Variants in CEP170 observed in about 807,000 individuals in gnomAD.
The protein encoded by CEP170 is centrosomal protein 170, also known as centrosomal protein of 170 kDa.
CEP170 carries 21 observed loss-of-function variants against 151.9 expected under a neutral mutation model. That is an observed-to-expected ratio of 0.14 (90% CI 0.10 to 0.20). CEP170 has a LOEUF of 0.20. Among genes scored for constraint, CEP170 ranks in the 10% least tolerant of loss-of-function variants. The pLI is 1.00. For missense variants in CEP170, 964 were observed against 1,892.9 expected, an observed-to-expected ratio of 0.51 and a Z score of 9.11; for synonymous variants, 356 against 648.8, an observed-to-expected ratio of 0.55 and a Z score of 6.86.
chr1:243,181,510 C>T (rs2059615844), intron 10 of CEP170, among the ~76,000 whole-genome samples: 1 of 152,062 alleles, frequency 6.6e-6, no homozygotes, highest in Non-Finnish European at 1.5e-5. Flanking sequence ...GTAGGTAGTT[C>T]ACTATCTTTT....
At chr1:243,229,123 C>A (rs1229249960) in intron 1 of CEP170, among the ~76,000 whole-genome samples, 1 of 152,192 alleles carries the variant, frequency 6.6e-6, no homozygotes, top group Non-Finnish European at 1.5e-5. Context: ...AACACCCACA[C>A]ATGGATAAAA....
At chr1:243,239,285 G>T (rs1300901377) in intron 1 of CEP170, among the ~76,000 whole-genome samples, 1 of 151,968 alleles carries the variant, frequency 6.6e-6, no homozygotes, top group East Asian at 1.9e-4. Flanking sequence ...TCCCACTCCC[G>T]CTTTAGTTAG....
intron 19 of CEP170, among the ~76,000 whole-genome samples, chr1:243,127,254 A>C (rs1180530151): frequency 6.6e-6 from 1 of 152,196 alleles, no homozygotes; most frequent in African/African-American, 2.4e-5. Context: ...TACACCACTG[A>C]GATACAGGGG....
At chr1:243,162,541 A>C (rs1032887013) in intron 13 of CEP170, among the ~76,000 whole-genome samples, 13 of 152,242 alleles carry the variant, frequency 8.5e-5, no homozygotes, top group African/African-American at 1.4e-4. Flanking sequence ...AGTATTTATC[A>C]AGTTCTGTAT....
Position 243,164,685 on chromosome 1 carries a change from AG to A in CEP170, c.3274del (p.Leu1092PhefsTer100). On this transcript the variant is annotated frameshift_variant, in exon 13 of 20. Transcript: ENST00000366542. LOFTEE classifies it high-confidence loss of function. The part of the protein sequence containing the change: ...VSGSSSKSTT[L>X]PRPRPTRTSL... ...AGTCCTGGTAGGTCGTGGCCTTGGA[AG>A]GGTGGTTGATTTACTAGATGAACCA... 1 of 1,613,776 alleles carries A rather than the reference AG, an allele frequency of 6.2e-7. No homozygotes were observed. The highest frequency in any genetic ancestry group is 1.1e-5 in the South Asian group (1 of 91,074).
intron 14 of CEP170, among the ~76,000 whole-genome samples, chr1:243,155,837 G>GGT (rs1374848371): frequency 6.6e-6 from 1 of 151,978 alleles, no homozygotes; most frequent in Non-Finnish European, 1.5e-5. Context: ...ATCTCTAAAA[G>GGT]GTATACTATT....
intron 14 of CEP170, among the ~76,000 whole-genome samples, chr1:243,147,798 T>G (rs2056667279): frequency 6.6e-6 from 1 of 152,164 alleles, no homozygotes; most frequent in Admixed American, 6.5e-5. Context: ...ACGTAAAAAT[T>G]TTTAGAGTTT....
chr1:243,160,165 A>G (rs2057948533), intron 13 of CEP170, among the ~76,000 whole-genome samples: 1 of 152,028 alleles, frequency 6.6e-6, no homozygotes, highest in Non-Finnish European at 1.5e-5. Flanking sequence ...TGAAGAAAAA[A>G]TTTATTTCTT....
intron 2 of CEP170, among the ~76,000 whole-genome samples, chr1:243,223,019 T>A (rs756720854): frequency 1.3e-5 from 2 of 152,238 alleles, no homozygotes; most frequent in Non-Finnish European, 2.9e-5. Context: ...TGAATTTTTA[T>A]TCATCTGGTT....
At chr1:243,177,909 T>C (rs2059355294) in intron 10 of CEP170, among the ~76,000 whole-genome samples, 2 of 152,188 alleles carry the variant, frequency 1.3e-5, no homozygotes, top group African/African-American at 2.4e-5. Flanking sequence ...CAAATAAATA[T>C]ATGTGCATGC....
At chr1:243,155,661 A>C (rs1185797177) in intron 14 of CEP170, among the ~76,000 whole-genome samples, 1 of 152,110 alleles carries the variant, frequency 6.6e-6, no homozygotes, top group Non-Finnish European at 1.5e-5. Context: ...CTGCAGCATA[A>C]ATTTTTTTTG....
chr1:243,220,924 T>C (rs2062742996), intron 3 of CEP170, among the ~76,000 whole-genome samples: 1 of 152,238 alleles, frequency 6.6e-6, no homozygotes, highest in Non-Finnish European at 1.5e-5. Flanking sequence ...GGCGGTTAGA[T>C]AATGTGCTAT....
Position 243,199,333 on chromosome 1 carries a change from C to G in CEP170, c.497-139G>C, listed in dbSNP as rs540054245. On this transcript the variant is annotated intron_variant, in intron 6 of 19. Coordinates refer to ENST00000366542, the MANE Select transcript of CEP170 (RefSeq NM_014812.3). ...CTTGATAGCTAAAATGTACTCTATA[C>G]TGAATTAACTCGGTATTTGTGGAAG... 1.1e-4 allele frequency: 81 copies of G among 757,112 alleles called. No individual in the cohort carries two copies. In the African/African-American group the frequency reaches 1.3e-3, roughly 12 times the overall value. 46.9% of individuals were successfully genotyped at this position (757,112 alleles called of 1,614,324 possible). A position where few individuals can be genotyped will look rare whatever the true frequency, so the allele number is the denominator to read the frequency against.
intron 10 of CEP170, among the ~76,000 whole-genome samples, chr1:243,181,798 T>C (rs868044303): frequency 1.3e-5 from 2 of 152,292 alleles, no homozygotes; most frequent in South Asian, 2.1e-4. Context: ...ATTCCTTTGG[T>C]TTTCTCTTAT....
intron 10 of CEP170, among the ~76,000 whole-genome samples, chr1:243,177,626 G>C (rs1218788564): frequency 6.6e-6 from 1 of 152,136 alleles, no homozygotes; most frequent in Non-Finnish European, 1.5e-5. Flanking sequence ...TAAGAATTAA[G>C]AATTATGCAG....
At chr1:243,198,868 AC>A (rs1174816002) in intron 7 of CEP170, among the ~76,000 whole-genome samples, 191 bp downstream of exon 7, 4 of 151,466 alleles carry the variant, frequency 2.6e-5, no homozygotes. Flanking sequence ...TAAAATTAAT[AC>A]TTTACTTATA....
Position 243,169,747 on chromosome 1 carries a change from G to T in CEP170, c.1724C>A (p.Thr575Lys), listed in dbSNP as rs768349507. ...TSGFHHSEEG[T>K]SSSGSKRWVS... ...CCAACGTTTGCTTCCAGATGAAGAT[G>T]TGCCTTCCTAAAGGAGAAAAATAAG... Residue 575 changes from threonine (T) to lysine (K), a missense_variant, in exon 12 of 20, where the codon ACA becomes AAA. Physicochemically the swap from Thr to Lys is moderately conservative, Grantham distance 78. Transcript: ENST00000366542. 1.9e-6 allele frequency: 3 copies of T among 1,612,018 alleles called. No homozygotes were observed. The African/African-American group carries it at 4.0e-5, about 22-fold the overall frequency.
rs752478969 is a variant in CEP170 at position 243,191,162 on chromosome 1, T to A, written c.964A>T (p.Ile322Phe). 1 of 1,612,814 alleles carries A rather than the reference T, an allele frequency of 6.2e-7. No homozygotes were observed. Among genetic ancestry groups the A allele is most frequent in the Non-Finnish European group, 8.5e-7 (1 of 1,179,324 alleles). Residue 322 changes from isoleucine (I) to phenylalanine (F), a missense_variant, in exon 8 of 20, where the codon ATT (isoleucine) becomes TTT (phenylalanine). By Grantham distance (21) the Ile-to-Phe change is conservative. Transcript: ENST00000366542. ...SSPGTQDLLG[I>F]QTGMMAPENK... is the part of the protein sequence containing the mutation. ...TCGGGTGCCATCATTCCTGTTTGAA[T>A]CCCCAGCAAGTCTTGAGTTCCAGGA...
chr1:243,238,190 TA>T (rs1372857816), intron 1 of CEP170, among the ~76,000 whole-genome samples: 1 of 151,944 alleles, frequency 6.6e-6, no homozygotes, highest in Non-Finnish European at 1.5e-5. Flanking sequence ...ACAGCCAGCC[TA>T]AAGAACACTG....
Sources: allele counts gnomAD v4.1 joint callset (sites outside exome capture counted in the v4.1 genomes callset), GRCh38; gene constraint gnomAD v4.1.1; transcripts MANE v1.5; gene names NCBI Gene and HGNC (gene_info 2026-07-23, HGNC 2026-07-21).